The following LHFPL6 variants were observed in gnomAD, a reference collection of about 807,000 sequenced individuals.
The protein encoded by LHFPL6 is LHFPL tetraspan subfamily member 6.
LHFPL6 carries 9 observed loss-of-function variants against 20.6 expected under a neutral mutation model. That is an observed-to-expected ratio of 0.44 (90% confidence interval 0.26 to 0.76). The LOEUF (loss-of-function observed/expected upper bound fraction) is 0.76, where lower values mean the gene tolerates loss of function less well. Among genes scored for constraint, LHFPL6 ranks in the 30% least tolerant of loss-of-function variants. The pLI, the probability that LHFPL6 is intolerant of heterozygous loss-of-function variation, is 0.20. For synonymous variants in LHFPL6, 105 were observed against 98.7 expected (o/e 1.06, Z -0.38); for missense variants, 218 against 253.5 (o/e 0.86, Z 0.95).
chr13:39,354,376 AT>A (rs1219457485), intron 3 of LHFPL6, among the ~76,000 whole-genome samples: 2 of 152,194 alleles, frequency 1.3e-5, no homozygotes, highest in Non-Finnish European at 2.9e-5. Context: ...ATATAAAAAA[AT>A]AAAAAGCCCC....
intron 2 of LHFPL6, among the ~76,000 whole-genome samples, chr13:39,419,926 C>A (rs1297275655): frequency 1.3e-5 from 2 of 152,014 alleles, no homozygotes; most frequent in Admixed American, 6.6e-5. Flanking sequence ...ATTTCTTTTA[C>A]AGAAGTAAAA....
intron 2 of LHFPL6, among the ~76,000 whole-genome samples, chr13:39,459,469 T>C (rs1872643194): frequency 6.6e-6 from 1 of 152,000 alleles, no homozygotes; most frequent in Non-Finnish European, 1.5e-5. Flanking sequence ...CCACAAGCGG[T>C]TCCACCCTGC....
Position 39,513,165 on chromosome 13 carries a change from C to G in LHFPL6, c.385+87667G>C, listed in dbSNP as rs547952309. Among the ~76,000 whole-genome samples, 30 of 152,346 alleles carry G rather than the reference C, an allele frequency of 2.0e-4. 1 individual carries two copies. In the South Asian group the frequency reaches 6.2e-3, roughly 32 times the overall value. On this transcript the variant is annotated intron_variant, in intron 2 of 3. Transcript: ENST00000379589. ...TTGTGAGAGGTTTTGTCCTAAGTTA[C>G]ATGGGATCATTTTAGAGCAAATCAA...
chr13:39,453,955 T>G (rs527593123), intron 2 of LHFPL6, among the ~76,000 whole-genome samples: 76 of 152,310 alleles, frequency 5.0e-4, no homozygotes, highest in African/African-American at 1.5e-3. Flanking sequence ...GGGTTTTGAG[T>G]GTATACGTGG....
At chr13:39,408,395 G>A (rs1360647323) in intron 2 of LHFPL6, among the ~76,000 whole-genome samples, 1 of 152,172 alleles carries the variant, frequency 6.6e-6, no homozygotes, top group Non-Finnish European at 1.5e-5. Context: ...TGAAAACAAT[G>A]TTAGAAAGTT....
At chr13:39,485,059 A>C (rs1868678579) in intron 2 of LHFPL6, among the ~76,000 whole-genome samples, 1 of 152,154 alleles carries the variant, frequency 6.6e-6, no homozygotes. Flanking sequence ...CAATTCTATA[A>C]AGGTCTCTAC....
chr13:39,455,864 A>C (rs1318387117), intron 2 of LHFPL6, among the ~76,000 whole-genome samples: 1 of 152,304 alleles, frequency 6.6e-6, no homozygotes, highest in Non-Finnish European at 1.5e-5. Flanking sequence ...AGAAACAAAT[A>C]AAAAAATCAG....
At chr13:39,442,829 G>T (rs1416478856) in intron 2 of LHFPL6, among the ~76,000 whole-genome samples, 1 of 152,122 alleles carries the variant, frequency 6.6e-6, no homozygotes, top group Non-Finnish European at 1.5e-5. Flanking sequence ...CTTTTATGGT[G>T]AGAACAACTC....
chr13:39,602,347 C>T (rs1872979885), intron 1 of LHFPL6, among the ~76,000 whole-genome samples: 1 of 151,562 alleles, frequency 6.6e-6, no homozygotes, highest in South Asian at 2.1e-4. Flanking sequence ...CTTCACCTCG[C>T]CCCTACCCGT....
Position 39,600,819 on chromosome 13 carries a change from G to C in LHFPL6, c.385+13C>G. On this transcript the variant is annotated intron_variant, in intron 2 of 3. Coordinates refer to ENST00000379589, the MANE Select transcript of LHFPL6 (RefSeq NM_005780.3). ...GATTCCAGTAAACAACTCAAGCTCAGCAAGTCACTTACCCCCAAGAAACTG... is the reference window on the plus strand; with the variant it reads ...GATTCCAGTAAACAACTCAAGCTCACCAAGTCACTTACCCCCAAGAAACTG... The C allele has an allele frequency of 1.4e-6, 2 of 1,474,982 alleles. No individual in the cohort carries two copies. The highest frequency in any genetic ancestry group is 3.1e-5 in the South Asian group (2 of 64,228). 91.4% of individuals were successfully genotyped at this position (1,474,982 alleles called of 1,614,324 possible).
At chr13:39,426,224 CTT>C (rs148406280) in intron 2 of LHFPL6, among the ~76,000 whole-genome samples, 9 of 143,768 alleles carry the variant, frequency 6.3e-5, no homozygotes, top group Non-Finnish European at 6.1e-5. Flanking sequence ...TTTTCTTTTT[CTT>C]TTTTTTTTTT....
intron 2 of LHFPL6, among the ~76,000 whole-genome samples, chr13:39,576,083 T>C (rs890065255): frequency 1.3e-5 from 2 of 152,246 alleles, no homozygotes; most frequent in East Asian, 3.8e-4. Context: ...AAGGTTTCGC[T>C]TACCTCTTCC....
chr13:39,536,934 C>A (rs1870637293), intron 2 of LHFPL6, among the ~76,000 whole-genome samples: 2 of 152,244 alleles, frequency 1.3e-5, no homozygotes, highest in African/African-American at 4.8e-5. Flanking sequence ...TGTCTCCTCT[C>A]TGTACCTATT....
intron 2 of LHFPL6, among the ~76,000 whole-genome samples, chr13:39,417,664 C>T (rs1278654098): frequency 2.6e-5 from 4 of 152,036 alleles, no homozygotes; most frequent in Non-Finnish European, 1.5e-5. Context: ...TTCCCCTCCC[C>T]GCTTCTTTTT....
intron 2 of LHFPL6, among the ~76,000 whole-genome samples, chr13:39,527,345 C>G (rs1179581010): frequency 6.6e-6 from 1 of 152,084 alleles, no homozygotes; most frequent in East Asian, 1.9e-4. Flanking sequence ...CTTCAACTAA[C>G]ATCAAGAAAA....
chr13:39,462,686 A>G lies in LHFPL6; in HGVS notation c.386-84160T>C, dbSNP rs149094463. Among the ~76,000 whole-genome samples the G allele has an allele frequency of 2.4e-4, 36 of 152,352 alleles. No individual in the cohort carries two copies. The East Asian group carries it at 6.9e-3, about 29-fold the overall frequency. ...TTCCTGTCTCTGTTTTACAGATAAG[A>G]AAACAAAGCCAGGCAAGTCCAAAGC... On this transcript the variant is annotated intron_variant, in intron 2 of 3. Transcript: ENST00000379589.
chr13:39,381,185 G>T (rs1016554970), intron 2 of LHFPL6, among the ~76,000 whole-genome samples: 1 of 152,062 alleles, frequency 6.6e-6, no homozygotes, highest in Non-Finnish European at 1.5e-5. Flanking sequence ...TACCTGACAA[G>T]TAAATGAAAA....
At chr13:39,540,232 G>A (rs976462997) in intron 2 of LHFPL6, among the ~76,000 whole-genome samples, 2 of 151,968 alleles carry the variant, frequency 1.3e-5, no homozygotes, top group African/African-American at 2.4e-5. Flanking sequence ...TATATTTTAT[G>A]GTTCAAACTA....
At chr13:39,380,023 G>A (rs1870396923) in intron 2 of LHFPL6, among the ~76,000 whole-genome samples, 1 of 152,178 alleles carries the variant, frequency 6.6e-6, no homozygotes, top group African/African-American at 2.4e-5. Context: ...TGTCCTAGTG[G>A]CCAATTTCCT....
Sources: gnomAD v4.1 joint callset for allele counts (sites outside exome capture counted in the v4.1 genomes callset) on GRCh38, gnomAD v4.1.1 for gene constraint, MANE v1.5 for transcripts, NCBI Gene and HGNC (gene_info 2026-07-23, HGNC 2026-07-21) for gene names.